Variants in KRT20 observed in about 807,000 individuals in gnomAD.
The protein encoded by KRT20 is keratin 20.
Under a neutral mutation model 43.0 loss-of-function variants are expected in KRT20, and 41 were observed. The observed-to-expected ratio is 0.95, with a 90% CI of 0.74 to 1.24. The LOEUF is 1.24. Ranked by LOEUF, KRT20 falls within the 50% of genes most tolerant of loss-of-function variation. KRT20 has a pLI of 0.00. For synonymous variants in KRT20, 207 were observed against 200.6 expected, an observed-to-expected ratio of 1.03 and a Z score of -0.27; for missense variants, 533 against 521.2, an observed-to-expected ratio of 1.02 and a Z score of -0.22.
At chr17:40,883,109 C>A (rs1281035135) in intron 1 of KRT20, among the ~76,000 whole-genome samples, 1 of 152,078 alleles carries the variant, frequency 6.6e-6, no homozygotes, top group Non-Finnish European at 1.5e-5. Context: ...TCAAGTATTT[C>A]TACATGAAAA....
chr17:40,877,377 T>TA lies in KRT20; in HGVS notation c.1177+2dup. 6.5e-7 allele frequency: 1 copy of TA among 1,535,076 alleles called. No homozygotes were observed. Among genetic ancestry groups the TA allele is most frequent in the Non-Finnish European group, 8.7e-7 (1 of 1,149,170 alleles). On this transcript the variant is annotated splice_region_variant and intron_variant, in intron 7 of 7. Coordinates refer to ENST00000167588, the MANE Select transcript of KRT20 (RefSeq NM_019010.3). ...AGAAAATGTGCAAAAATTTAGAACT[T>TA]ACCTCTCTCTTCCAGGGTGCTTAAC... is the stretch of plus-strand genomic sequence containing the variant.
chr17:40,880,467 G>A (rs1201773578), intron 3 of KRT20, 147 bp downstream of exon 3: 3 of 800,512 alleles, frequency 3.7e-6, no homozygotes, highest in African/African-American at 3.5e-5. Flanking sequence ...AGAAGGTAGG[G>A]CTTGTATCAT....
At chr17:40,884,514 C>A (rs1907722461) in intron 1 of KRT20, among the ~76,000 whole-genome samples, 1 of 152,040 alleles carries the variant, frequency 6.6e-6, no homozygotes, top group South Asian at 2.1e-4. Flanking sequence ...TACATTTAGC[C>A]CTGATGTGAT....
In KRT20 at chr17:40,876,336, A is replaced by T; in HGVS notation, c.*25T>A. 6.8e-7 allele frequency: 1 copy of T among 1,473,226 alleles called. No individual in the cohort carries two copies. Among genetic ancestry groups the T allele is most frequent in the Non-Finnish European group, 9.5e-7 (1 of 1,051,946 alleles). 91.3% of individuals were successfully genotyped at this position (1,473,226 alleles called of 1,614,324 possible). On this transcript the variant is annotated 3_prime_UTR_variant, in exon 8 of 8. Coordinates refer to ENST00000167588, the MANE Select transcript of KRT20 (RefSeq NM_019010.3). ...ATAGCCAAATTTCTTTCAAAACCTC[A>T]GCAGCATCTCCTTCTGGTAGCTATT...
intron 2 of KRT20, chr17:40,882,323 A>G: frequency 9.0e-6 from 2 of 223,326 alleles, no homozygotes; most frequent in Non-Finnish European, 1.8e-5. Context: ...TTTAGCAACC[A>G]GTAATAACCA....
At chr17:40,878,028 G>A in intron 6 of KRT20, 117 bp downstream of exon 6, 1 of 856,322 alleles carries the variant, frequency 1.2e-6, no homozygotes, top group Non-Finnish European at 1.9e-6. Flanking sequence ...AGGCATGTGT[G>A]AGTATAATTG....
chr17:40,882,417 T>C, intron 2 of KRT20, 155 bp downstream of exon 2: 1 of 323,982 alleles, frequency 3.1e-6, no homozygotes, highest in East Asian at 5.1e-5. Flanking sequence ...CTGGGTTAGC[T>C]TCATACATGT....
In KRT20 at chr17:40,876,737, G is replaced by A. The variant is rs111603820; in HGVS notation, c.1178-279C>T. 7.2e-5 allele frequency among the ~76,000 whole-genome samples: 11 copies of A among 152,166 alleles called. 1 individual carries two copies. The highest frequency in any genetic ancestry group is 2.2e-4 in the African/African-American group (9 of 41,518). On this transcript the variant is annotated intron_variant, in intron 7 of 7. Transcript: ENST00000167588. ...ATTTTGTCTTGTTTTTCCTTTTCAG[G>A]ATGTCAGGATGTTTCAAGATAGCAA...
chr17:40,881,936 G>A (rs565131148), intron 2 of KRT20, among the ~76,000 whole-genome samples: 5 of 149,838 alleles, frequency 3.3e-5, no homozygotes, highest in African/African-American at 9.9e-5. Flanking sequence ...GCAATGGCAC[G>A]ATCTCAGCTC....
intron 5 of KRT20, among the ~76,000 whole-genome samples, chr17:40,879,111 C>T (rs116057563): frequency 3.9e-5 from 6 of 152,180 alleles, no homozygotes; most frequent in African/African-American, 1.4e-4. Context: ...ATCAAGTGGA[C>T]CAACCATTGC....
At chr17:40,880,803 T>C in intron 2 of KRT20, 33 bp from the exon 3 acceptor site, 1 of 1,451,338 alleles carries the variant, frequency 6.9e-7, no homozygotes, top group Non-Finnish European at 9.1e-7. Context: ...AGATAACTGG[T>C]CCTTCTGAAG....
chr17:40,880,483 T>C, intron 3 of KRT20, 131 bp downstream of exon 3: 3 of 833,904 alleles, frequency 3.6e-6, no homozygotes, highest in Non-Finnish European at 5.5e-6. Context: ...ATCATTATTG[T>C]CATCGTCATC....
rs748744256 is a variant in KRT20, at chr17:40,878,199, C to T, written c.1085G>A (p.Arg362Gln). Residue 362 changes from arginine to glutamine, a missense_variant, in exon 6 of 8, where the codon CGA becomes CAA. Coordinates refer to ENST00000167588, the MANE Select transcript of KRT20 (RefSeq NM_019010.3). Reference sequence around the variant, plus strand: ...GTAAGTAGCAATTTCCTGTTCAAGTCGAGTCTTTATGTCAAGAAGGATATG... The same window carrying T: ...GTAAGTAGCAATTTCCTGTTCAAGTTGAGTCTTTATGTCAAGAAGGATATG... ...EYHILLDIKT[R>Q]LEQEIATYRR... 2.4e-5 allele frequency: 38 copies of T among 1,613,928 alleles called. No individual in the cohort carries two copies. Among genetic ancestry groups the T allele is most frequent in the African/African-American group, 4.0e-5 (3 of 74,870 alleles).
At position 40,880,132 on chromosome 17, in the gene KRT20, G is replaced by C; in HGVS notation, c.760C>G (p.Leu254Val). Reference sequence around the variant, plus strand: ...TCAAACTGTTCTTTGGCCTCTTGAAGGTTCTTCTGGGCCATGACTTCATAC... The same window carrying C: ...TCAAACTGTTCTTTGGCCTCTTGAACGTTCTTCTGGGCCATGACTTCATAC... ...QKYEVMAQKN[L>V]QEAKEQFERQ... The change falls in exon 4 of 8, where the codon CTT becomes GTT. Residue 254 changes from leucine (L) to valine (V), a missense_variant. Coordinates refer to ENST00000167588, the MANE Select transcript of KRT20 (RefSeq NM_019010.3). 6.2e-7 allele frequency: 1 copy of C among 1,614,084 alleles called. No homozygotes were observed.
At position 40,878,356 on chromosome 17, in the gene KRT20, A is replaced by C. The variant is rs145003153; in HGVS notation, c.928T>G (p.Leu310Val). The C allele has an allele frequency of 2.8e-4, 457 of 1,613,514 alleles. No individual in the cohort carries two copies. In the Middle Eastern group the frequency reaches 4.8e-3, roughly 17 times the overall value. The stretch of plus-strand genomic sequence containing the variant: ...TTGGTCTCCTCTAGAGTGTGCTCCA[A>C]AGACTCTTTCTATGAGCACAAGAAA... Reference protein sequence around the residue: ...LQSHLSMKESLEHTLEETKAR... With the variant: ...LQSHLSMKESVEHTLEETKAR... Residue 310 changes from leucine to valine, a missense_variant, in exon 6 of 8, where the codon TTG becomes GTG. Leu to Val is a conservative substitution (Grantham distance 32). Coordinates refer to ENST00000167588, the MANE Select transcript of KRT20 (RefSeq NM_019010.3).
Position 40,882,689 on chromosome 17 carries a change from T to TCTTATTTA in KRT20, c.391-36_391-35insTAAATAAG, listed in dbSNP as rs1555553991. 79 of 530,980 alleles carry TCTTATTTA rather than the reference T, an allele frequency of 1.5e-4. No individual in the cohort carries two copies. The Admixed American group carries it at 1.8e-3, about 12-fold the overall frequency. The allele number at this position is 530,980 out of a possible 1,614,324, so 32.9% of individuals were successfully genotyped here. ...ACATGAGAAAGAATGACATTTTCTT[T>TCTTATTTA]TTTATTTATTTATTTATTTATTTAT... On this transcript the variant is annotated intron_variant, in intron 1 of 7. Transcript: ENST00000167588.
rs1343725430 is a variant in KRT20, at chr17:40,878,281, G to A, written c.1003C>T (p.Leu335=). 6.2e-7 allele frequency: 1 copy of A among 1,614,186 alleles called. No homozygotes were observed. Among genetic ancestry groups the A allele is most frequent in the Non-Finnish European group, 8.5e-7 (1 of 1,180,028 alleles). Reference sequence around the variant, plus strand: ...CGAATCTGCATCAGTTGGGCCTCCAGAGAGCTCAACAGCGACTGGAGGTTG... The same window carrying A: ...CGAATCTGCATCAGTTGGGCCTCCAAAGAGCTCAACAGCGACTGGAGGTTG... ...LANLQSLLSS[L]EAQLMQIRSN... The change falls in exon 6 of 8, where the codon CTG becomes TTG. Residue 335 remains leucine, a synonymous_variant. Coordinates refer to ENST00000167588, the MANE Select transcript of KRT20 (RefSeq NM_019010.3).
At position 40,878,345 on chromosome 17, in the gene KRT20, A is replaced by G. The variant is rs755123775; in HGVS notation, c.939T>C (p.Thr313=). 15 of 1,614,058 alleles carry G rather than the reference A, an allele frequency of 9.3e-6. No homozygotes were observed. The South Asian group carries it at 1.6e-4, about 18-fold the overall frequency. The change falls in exon 6 of 8, where the codon ACT becomes ACC. Residue 313 remains threonine (T), a synonymous_variant. Coordinates refer to ENST00000167588, the MANE Select transcript of KRT20 (RefSeq NM_019010.3). ...HLSMKESLEH[T]LEETKARYSS... is the part of the protein sequence containing the mutation. ...TGTAACGGGCCTTGGTCTCCTCTAG[A>G]GTGTGCTCCAAAGACTCTTTCTATG... is the stretch of plus-strand genomic sequence containing the variant.
At chr17:40,881,244 T>C (rs900255833) in intron 2 of KRT20, among the ~76,000 whole-genome samples, 5 of 151,728 alleles carry the variant, frequency 3.3e-5, no homozygotes, top group African/African-American at 1.2e-4. Context: ...TGTGTGTGTG[T>C]GTGTGTGTGT....
Sources: gnomAD v4.1 joint callset for allele counts (sites outside exome capture counted in the v4.1 genomes callset) on GRCh38, gnomAD v4.1.1 for gene constraint, MANE v1.5 for transcripts, NCBI Gene and HGNC (gene_info 2026-07-23, HGNC 2026-07-21) for gene names.